Variants in NUP62 observed in about 807,000 individuals in gnomAD.
NUP62 encodes nuclear pore glycoprotein p62.
For synonymous variants in NUP62, 305 were observed against 303.4 expected (o/e 1.01, Z -0.05); for missense variants, 647 against 689.4 (o/e 0.94, Z 0.69).
In NUP62 at chr19:49,908,193, C is replaced by A; in HGVS notation, c.*46G>T. On this transcript the variant is annotated 3_prime_UTR_variant, in exon 3 of 3. Transcript: ENST00000352066. Reference sequence around the variant, plus strand: ...AACTACAGACAACAGGGCGCATTCCCCTCATGAACTCCCTAGGGACCTGCG... The same window carrying A: ...AACTACAGACAACAGGGCGCATTCCACTCATGAACTCCCTAGGGACCTGCG... The A allele has an allele frequency of 6.2e-7, 1 of 1,604,236 alleles. No individual in the cohort carries two copies. The highest frequency in any genetic ancestry group is 1.1e-5 in the South Asian group (1 of 90,546).
intron 2 of NUP62, among the ~76,000 whole-genome samples, chr19:49,910,854 G>A (rs973954373): frequency 6.6e-6 from 1 of 152,200 alleles, no homozygotes; most frequent in South Asian, 2.1e-4. Context: ...TCAGCAGGAA[G>A]GTCAAAGGTT....
chr19:49,908,258 AAG>A lies in NUP62; in HGVS notation c.1548_1549del (p.Phe517ProfsTer5). 1 of 1,613,544 alleles carries A rather than the reference AAG, an allele frequency of 6.2e-7. No individual in the cohort carries two copies. Among genetic ancestry groups the A allele is most frequent in the Non-Finnish European group, 8.5e-7 (1 of 1,180,038 alleles). On this transcript the variant is annotated frameshift_variant, in exon 3 of 3. Coordinates refer to ENST00000352066, the MANE Select transcript of NUP62 (RefSeq NM_016553.5). LOFTEE classifies it high-confidence loss of function. The stretch of plus-strand genomic sequence containing the variant: ...TGTCGCTCAGTCAAAGGTGATCCGG[AAG>A]CTGCGCTCCTGCTCCTTGCGCCGGC...
At position 49,912,568 on chromosome 19, in the gene NUP62, C is replaced by T. The variant is rs747618548; in HGVS notation, c.-77-2684G>A. ...CCCATACTGATCCAGCCCTGATCCA[C>T]GCAGTTTAGATATGGCCAGGTGAGG... On this transcript the variant is annotated intron_variant, in intron 2 of 2. Transcript: ENST00000352066. 5.3e-4 allele frequency among the ~76,000 whole-genome samples: 81 copies of T among 152,276 alleles called. 1 individual carries two copies. The highest frequency in any genetic ancestry group is 7.8e-4 in the Non-Finnish European group (53 of 68,020).
In NUP62 at chr19:49,907,129, GAC is replaced by G. The variant is rs1422190887; in HGVS notation, c.*1108_*1109del. The G allele has an allele frequency of 6.2e-6, 1 of 160,668 alleles. No homozygotes were observed. The highest frequency in any genetic ancestry group is 1.4e-5 in the Non-Finnish European group (1 of 72,476). The allele number at this position is 160,668 out of a possible 1,614,324, so 10.0% of individuals were successfully genotyped here. A position where few individuals can be genotyped will look rare whatever the true frequency, so the allele number is the denominator to read the frequency against. ...ACCGGGCTGGGGACACACGGGGAAC[GAC>G]AGTGGGTCTCTGCCCATGGGAACTC... is the stretch of plus-strand genomic sequence containing the variant. On this transcript the variant is annotated 3_prime_UTR_variant, in exon 3 of 3. Coordinates refer to ENST00000352066, the MANE Select transcript of NUP62 (RefSeq NM_016553.5).
At chr19:49,920,011 C>T (rs2075726636) in intron 2 of NUP62, among the ~76,000 whole-genome samples, 1 of 152,078 alleles carries the variant, frequency 6.6e-6, no homozygotes, top group African/African-American at 2.4e-5. Context: ...ATAGCCTCAA[C>T]CTCCCGGGCT....
rs372406355 is a variant in NUP62, at chr19:49,915,423, C to T, written c.-77-5539G>A. 2.6e-4 allele frequency among the ~76,000 whole-genome samples: 40 copies of T among 152,306 alleles called. No individual in the cohort carries two copies. In the East Asian group the frequency reaches 2.9e-3, roughly 11 times the overall value. On this transcript the variant is annotated intron_variant, in intron 2 of 2. Coordinates refer to ENST00000352066, the MANE Select transcript of NUP62 (RefSeq NM_016553.5). The stretch of plus-strand genomic sequence containing the variant: ...GGGGCCACAAGCCAAGGAACACAGG[C>T]GGCTTCGGCCTCTAGAGCTAAAGAA...
Position 49,907,691 on chromosome 19 carries a change from A to G in NUP62, c.*548T>C, listed in dbSNP as rs569495944. On this transcript the variant is annotated 3_prime_UTR_variant, in exon 3 of 3. Transcript: ENST00000352066. ...GAGATTGAGATCACAGGCGTCCACCACACCTGACTAATTTTTGTATTTTTA... is the reference window on the plus strand; with the variant it reads ...GAGATTGAGATCACAGGCGTCCACCGCACCTGACTAATTTTTGTATTTTTA... The G allele has an allele frequency of 5.7e-6, 2 of 349,834 alleles. No individual in the cohort carries two copies. The highest frequency in any genetic ancestry group is 8.2e-5 in the East Asian group (1 of 12,238). 21.7% of individuals were successfully genotyped at this position (349,834 alleles called of 1,614,324 possible).
chr19:49,918,174 C>T (rs2075673381), intron 2 of NUP62, among the ~76,000 whole-genome samples: 1 of 151,618 alleles, frequency 6.6e-6, no homozygotes, highest in African/African-American at 2.4e-5. Context: ...TCAAATGATT[C>T]TCCTGCCCTA....
chr19:49,914,117 G>A (rs2075556774), intron 2 of NUP62, among the ~76,000 whole-genome samples: 1 of 152,178 alleles, frequency 6.6e-6, no homozygotes, highest in Admixed American at 6.5e-5. Flanking sequence ...CGGAGGCCAA[G>A]GCAGGAGGAT....
intron 2 of NUP62, among the ~76,000 whole-genome samples, chr19:49,914,111 G>A (rs573020294): frequency 6.6e-6 from 1 of 152,152 alleles, no homozygotes; most frequent in African/African-American, 2.4e-5. Context: ...TACTTTCGGA[G>A]GCCAAGGCAG....
intron 2 of NUP62, among the ~76,000 whole-genome samples, chr19:49,910,457 T>C (rs558040491): frequency 7.3e-4 from 111 of 152,212 alleles, no homozygotes; most frequent in African/African-American, 2.6e-3. Flanking sequence ...CTCCTCCTCC[T>C]AACTCAGGGG....
rs753335519 is a variant in NUP62 at position 49,909,758 on chromosome 19, G to A, written c.50C>T (p.Thr17Met). Residue 17 changes from threonine to methionine, a missense_variant, in exon 3 of 3, where the codon ACG becomes ATG. By Grantham distance (81) the Thr-to-Met change is moderately conservative (BLOSUM62 -1). Transcript: ENST00000352066. ...TGTTGCCGTCTTTGCAGTGCCAAACGTGAACCCGCCTGTAGGGGCCCCAGT... is the reference window on the plus strand; with the variant it reads ...TGTTGCCGTCTTTGCAGTGCCAAACATGAACCCGCCTGTAGGGGCCCCAGT... ...GGTGAPTGGF[T>M]FGTAKTATTT... 4.3e-6 allele frequency: 7 copies of A among 1,613,986 alleles called. No individual in the cohort carries two copies. Among genetic ancestry groups the A allele is most frequent in the East Asian group, 2.2e-5 (1 of 44,886 alleles).
At chr19:49,916,605 CA>C (rs1048283684) in intron 2 of NUP62, among the ~76,000 whole-genome samples, 1 of 150,424 alleles carries the variant, frequency 6.6e-6, no homozygotes, top group South Asian at 2.1e-4. Context: ...ACTAAAAATA[CA>C]AAAAAAAATT....
rs770316163 is a variant in NUP62, at chr19:49,908,979, C to T, written c.829G>A (p.Ala277Thr). The stretch of plus-strand genomic sequence containing the variant: ...CTGCTGCTGGTGGTGGTGGCGGTGG[C>T]GGTGGCAGCGGTGGATGTTGTTGTG... ...TSTTTSTAAT[A>T]TATTTSSSST... Residue 277 changes from alanine to threonine, a missense_variant, in exon 3 of 3, where the codon GCC becomes ACC. By Grantham distance (58) the Ala-to-Thr change is moderately conservative (BLOSUM62 0). Transcript: ENST00000352066. 21 of 1,607,502 alleles carry T rather than the reference C, an allele frequency of 1.3e-5. No individual in the cohort carries two copies. The highest frequency in any genetic ancestry group is 4.4e-5 in the South Asian group (4 of 90,864).
At chr19:49,914,726 G>GTTTTGTTT (rs2075575701) in intron 2 of NUP62, among the ~76,000 whole-genome samples, 4 of 56,362 alleles carry the variant, frequency 7.1e-5, no homozygotes, top group African/African-American at 6.5e-5. Flanking sequence ...CCAAGTCCCA[G>GTTTTGTTT]TTTTTTTTTT....
chr19:49,925,659 C>T (rs950133748), intron 2 of NUP62, among the ~76,000 whole-genome samples: 1 of 152,146 alleles, frequency 6.6e-6, no homozygotes, highest in African/African-American at 2.4e-5. Flanking sequence ...AACGTGGCAT[C>T]CTGAAGGCAT....
chr19:49,922,504 A>G (rs1191777164), intron 2 of NUP62, among the ~76,000 whole-genome samples: 1 of 151,670 alleles, frequency 6.6e-6, no homozygotes, highest in Non-Finnish European at 1.5e-5. Context: ...AAAGTCCAGC[A>G]CAGAGGGGAC....
chr19:49,918,895 T>TGGGGGGGGGGGGGGGG (rs56129490), intron 2 of NUP62, among the ~76,000 whole-genome samples: 16 of 72,332 alleles, frequency 2.2e-4, no homozygotes, highest in African/African-American at 8.2e-4. Context: ...TTTGGGAGGC[T>TGGGGGGGGGGGGGGGG]GGGGGGGGGG....
At chr19:49,911,890 C>G (rs1228791057) in intron 2 of NUP62, among the ~76,000 whole-genome samples, 1 of 152,198 alleles carries the variant, frequency 6.6e-6, no homozygotes, top group Non-Finnish European at 1.5e-5. Context: ...TGGGGCCTGG[C>G]CCGGCCTACA....
Sources: gnomAD v4.1 joint callset for allele counts (sites outside exome capture counted in the v4.1 genomes callset) on GRCh38, gnomAD v4.1.1 for gene constraint, MANE v1.5 for transcripts, NCBI Gene and HGNC (gene_info 2026-07-23, HGNC 2026-07-21) for gene names.